ATRNL1: variants seen among roughly 807,000 people sequenced by gnomAD.
ATRNL1 encodes the protein attractin-like protein 1.
In ATRNL1, 95 loss-of-function variants were observed where a neutral mutation model predicts 182.7. The ratio of observed to expected loss-of-function variants is 0.52; its 90% CI spans 0.44 to 0.62. ATRNL1 has a LOEUF of 0.62. ATRNL1 is among the 20% of genes least tolerant of loss of function. The probability of loss-of-function intolerance (pLI) is 0.00; values close to 1 mark genes in which losing one functional copy is unlikely to be tolerated. For missense variants in ATRNL1, 1,471 were observed against 1,679.5 expected (o/e 0.88, Z 2.17); for synonymous variants, 576 against 568.3 (o/e 1.01, Z -0.19).
chr10:115,823,487 T>C (rs2134289225), intron 27 of ATRNL1, among the ~76,000 whole-genome samples: 1 of 152,300 alleles, frequency 6.6e-6, no homozygotes, highest in Non-Finnish European at 1.5e-5. Flanking sequence ...GAAGTCATAT[T>C]GTCTGCGTTT....
intron 1 of ATRNL1, among the ~76,000 whole-genome samples, chr10:115,099,613 CTT>C (rs1554864098): frequency 6.6e-6 from 1 of 152,104 alleles, no homozygotes; most frequent in East Asian, 1.9e-4. Flanking sequence ...TATGGTTAGT[CTT>C]TTAAATTTTT....
At chr10:115,944,527 A>T (rs1953827100) in intron 28 of ATRNL1, 131 bp from the exon 29 acceptor site, 1 of 668,928 alleles carries the variant, frequency 1.5e-6, no homozygotes, top group Admixed American at 3.3e-5. Flanking sequence ...AAACTACTTG[A>T]AAACTTCCAT....
At chr10:115,396,801 C>T (rs1844312003) in intron 20 of ATRNL1, among the ~76,000 whole-genome samples, 1 of 151,586 alleles carries the variant, frequency 6.6e-6, no homozygotes, top group African/African-American at 2.4e-5. Flanking sequence ...TGTTTACAGA[C>T]AAAAGAAAGC....
chr10:115,128,348 A>T (rs1554874115), intron 4 of ATRNL1: 1 of 200,988 alleles, frequency 5.0e-6, no homozygotes, highest in East Asian at 1.9e-4. Flanking sequence ...GTAATGAGAG[A>T]TGCTTTCACA....
intron 10 of ATRNL1, among the ~76,000 whole-genome samples, chr10:115,254,759 A>T (rs1851043402): frequency 6.6e-6 from 1 of 152,106 alleles, no homozygotes; most frequent in South Asian, 2.1e-4. Flanking sequence ...TAGGGTTTTT[A>T]TGGTTTTAGG....
intron 28 of ATRNL1, among the ~76,000 whole-genome samples, chr10:115,901,710 T>C (rs17269525): frequency 0.19 from 25,257 of 133,820 alleles, 2,426 homozygotes; most frequent in Non-Finnish European, 0.23. Context: ...GTGATGTTAT[T>C]AGAAAAACAC....
chr10:115,139,619 T>TC (rs1277918936), intron 5 of ATRNL1, among the ~76,000 whole-genome samples: 2 of 152,150 alleles, frequency 1.3e-5, no homozygotes, highest in Non-Finnish European at 2.9e-5. Context: ...TCCTACTGGG[T>TC]CCCTTCCATA....
At chr10:115,596,718 C>A (rs1414301235) in intron 26 of ATRNL1, among the ~76,000 whole-genome samples, 6 of 151,988 alleles carry the variant, frequency 3.9e-5, no homozygotes, top group African/African-American at 1.5e-4. Flanking sequence ...ACATGATAGA[C>A]TATGGGAAGT....
intron 28 of ATRNL1, among the ~76,000 whole-genome samples, chr10:115,855,316 G>A (rs964449715): frequency 6.6e-6 from 1 of 152,138 alleles, no homozygotes; most frequent in Non-Finnish European, 1.5e-5. Flanking sequence ...TGGTTCAAAT[G>A]CTATTTCGTC....
chr10:115,764,870 C>T (rs1057453899), intron 27 of ATRNL1, among the ~76,000 whole-genome samples: 3 of 152,110 alleles, frequency 2.0e-5, no homozygotes, highest in African/African-American at 7.2e-5. Flanking sequence ...GACGGGGTTT[C>T]GCCATGTTGG....
At chr10:115,544,748 A>G (rs1852549289) in intron 25 of ATRNL1, among the ~76,000 whole-genome samples, 1 of 152,214 alleles carries the variant, frequency 6.6e-6, no homozygotes, top group Non-Finnish European at 1.5e-5. Context: ...GGAATACAGG[A>G]CACTGCTTCA....
chr10:115,333,802 T>A (rs1554935821), intron 18 of ATRNL1, among the ~76,000 whole-genome samples: 1 of 152,146 alleles, frequency 6.6e-6, no homozygotes, highest in Non-Finnish European at 1.5e-5. Flanking sequence ...GTACTATTTT[T>A]ATTAATTTTA....
intron 20 of ATRNL1, among the ~76,000 whole-genome samples, chr10:115,397,508 T>A (rs1312297237): frequency 3.3e-5 from 5 of 152,088 alleles, no homozygotes; most frequent in South Asian, 4.1e-4. Context: ...GGGGGACCAT[T>A]GCAACAATAC....
At chr10:115,756,950 C>T (rs142689663) in intron 27 of ATRNL1, among the ~76,000 whole-genome samples, 37 of 152,120 alleles carry the variant, frequency 2.4e-4, no homozygotes, top group African/African-American at 7.0e-4. Flanking sequence ...GTTGGTTTAA[C>T]ATCTGTTTTA....
chr10:115,938,507 G>A (rs1429730628), intron 28 of ATRNL1, among the ~76,000 whole-genome samples: 2 of 152,106 alleles, frequency 1.3e-5, no homozygotes, highest in Non-Finnish European at 2.9e-5. Context: ...TGATTTTGGT[G>A]TATGTTCTAC....
chr10:115,432,723 A>T (rs182571040), intron 21 of ATRNL1, among the ~76,000 whole-genome samples: 7 of 152,248 alleles, frequency 4.6e-5, no homozygotes, highest in Non-Finnish European at 7.4e-5. Flanking sequence ...AACAGTGTTA[A>T]CTAATTTTAT....
intron 19 of ATRNL1, among the ~76,000 whole-genome samples, chr10:115,342,867 T>C (rs1393306229): frequency 2.0e-5 from 3 of 152,182 alleles, no homozygotes; most frequent in African/African-American, 7.2e-5. Flanking sequence ...ACTTCAAATA[T>C]ATACATTTTA....
intron 21 of ATRNL1, among the ~76,000 whole-genome samples, chr10:115,450,731 A>T (rs7895313): frequency 0.052 from 7,978 of 152,230 alleles, 635 homozygotes; most frequent in African/African-American, 0.18. Context: ...TGCTATTCCC[A>T]TAAAACTACC....
At chr10:115,399,643 TTG>T in intron 20 of ATRNL1, among the ~76,000 whole-genome samples, 1 of 151,612 alleles carries the variant, frequency 6.6e-6, no homozygotes, top group East Asian at 1.9e-4. Flanking sequence ...TTTTTATCTT[TTG>T]TGTGTGTGTG....
Sources: gnomAD v4.1 joint callset for allele counts (sites outside exome capture counted in the v4.1 genomes callset) on GRCh38, gnomAD v4.1.1 for gene constraint, MANE v1.5 for transcripts, NCBI Gene and HGNC (gene_info 2026-07-23, HGNC 2026-07-21) for gene names.